The following UXS1 variants were observed in gnomAD, a reference collection of about 807,000 sequenced individuals.
UXS1 encodes the protein UDP-glucuronate decarboxylase 1.
A neutral mutation model predicts 62.6 loss-of-function variants in UXS1; 33 were observed. The ratio of observed to expected loss-of-function variants is 0.53; its 90% CI spans 0.40 to 0.70. The LOEUF (loss-of-function observed/expected upper bound fraction) is 0.70, where lower values mean the gene tolerates loss of function less well. Among genes scored for constraint, UXS1 ranks in the 30% least tolerant of loss-of-function variants. The pLI is 0.00. For missense variants in UXS1, 434 were observed against 556.3 expected, an observed-to-expected ratio of 0.78 and a Z score of 2.21; for synonymous variants, 213 against 206.8, an observed-to-expected ratio of 1.03 and a Z score of -0.26.
intron 5 of UXS1, among the ~76,000 whole-genome samples, chr2:106,157,784 G>T (rs1682555587): frequency 6.6e-6 from 1 of 152,150 alleles, no homozygotes; most frequent in Non-Finnish European, 1.5e-5. Context: ...GTTCAAAAAA[G>T]GCAGATTCAT....
chr2:106,098,800 A>G (rs761893334), intron 12 of UXS1, 27 bp from the exon 13 acceptor site: 1 of 1,602,854 alleles, frequency 6.2e-7, no homozygotes, highest in Non-Finnish European at 8.5e-7. Flanking sequence ...TTCCAGTTAT[A>G]AGCGTCATGA....
At chr2:106,187,333 C>T (rs1274576142) in intron 1 of UXS1, among the ~76,000 whole-genome samples, 1 of 152,116 alleles carries the variant, frequency 6.6e-6, no homozygotes, top group Non-Finnish European at 1.5e-5. Flanking sequence ...GGAATGCCAC[C>T]GGTACTAGGT....
Position 106,101,124 on chromosome 2 carries a change from A to C in UXS1, c.924-6T>G. 6.2e-7 allele frequency: 1 copy of C among 1,613,878 alleles called. No homozygotes were observed. The highest frequency in any genetic ancestry group is 8.5e-7 in the Non-Finnish European group (1 of 1,179,850). On this transcript the variant is annotated splice_region_variant and splice_polypyrimidine_tract_variant and intron_variant, in intron 11 of 14. Coordinates refer to ENST00000283148, the MANE Select transcript of UXS1 (RefSeq NM_001253875.2). ...CGAGGCCATTCACTAGATCGCTGGA[A>C]AAAAAGGGGAGGCAGGTGAGGCTCT...
At chr2:106,149,009 T>A (rs1681807703) in intron 5 of UXS1, among the ~76,000 whole-genome samples, 1 of 152,244 alleles carries the variant, frequency 6.6e-6, no homozygotes, top group Non-Finnish European at 1.5e-5. Flanking sequence ...AAACTCATGA[T>A]GCTTAGCAAA....
chr2:106,172,865 C>G (rs939876644), intron 1 of UXS1, among the ~76,000 whole-genome samples: 1 of 152,206 alleles, frequency 6.6e-6, no homozygotes, highest in South Asian at 2.1e-4. Context: ...ACTTGCCACA[C>G]CTGCCTGCCT....
intron 5 of UXS1, among the ~76,000 whole-genome samples, chr2:106,150,905 C>T (rs1681959080): frequency 6.6e-6 from 1 of 152,190 alleles, no homozygotes; most frequent in Non-Finnish European, 1.5e-5. Flanking sequence ...AACCCCCACC[C>T]CAGCGTACCC....
intron 5 of UXS1, among the ~76,000 whole-genome samples, chr2:106,154,686 C>T (rs2105028407): frequency 6.6e-6 from 1 of 152,298 alleles, no homozygotes; most frequent in African/African-American, 2.4e-5. Flanking sequence ...TTGTTTTAAA[C>T]CACTCAGATG....
At position 106,112,763 on chromosome 2, in the gene UXS1, T is replaced by G. The variant is rs201795624; in HGVS notation, c.762A>C (p.Glu254Asp). 597 of 1,613,340 alleles carry G rather than the reference T, an allele frequency of 3.7e-4. No individual in the cohort carries two copies. Among genetic ancestry groups the G allele is most frequent in the Non-Finnish European group, 4.8e-4 (571 of 1,179,738 alleles). The change falls in exon 10 of 15, where the codon GAA (glutamate) becomes GAC (aspartate). Residue 254 changes from glutamate (E) to aspartate (D), a missense_variant and splice_region_variant. By Grantham distance (45) the Glu-to-Asp change is conservative. This residue lies in a region of UXS1 where 209 missense variants were observed against 233.3 expected (regional missense o/e 0.90). Coordinates refer to ENST00000283148, the MANE Select transcript of UXS1 (RefSeq NM_001253875.2). The stretch of plus-strand genomic sequence containing the variant: ...TTCTGGCCACTCGCACTTCCACGCC[T>G]TCCTGGAACAGAGAGAAGAGGAGGT... The part of the protein sequence containing the change: ...ETMCYAYMKQ[E>D]GVEVRVARIF...
chr2:106,154,638 A>G (rs1240501953), intron 5 of UXS1, among the ~76,000 whole-genome samples: 1 of 152,180 alleles, frequency 6.6e-6, no homozygotes, highest in Non-Finnish European at 1.5e-5. Context: ...TTGATTTCAG[A>G]CTTCTAGCTT....
Position 106,156,221 on chromosome 2 carries a change from G to C in UXS1, c.291+1837C>G, listed in dbSNP as rs72836613. On this transcript the variant is annotated intron_variant, in intron 5 of 14. Coordinates refer to ENST00000283148, the MANE Select transcript of UXS1 (RefSeq NM_001253875.2). The stretch of plus-strand genomic sequence containing the variant: ...AGAAAAATAACCCAATTAAAGAATA[G>C]GATAATATCTAATAGAAATTTCTCC... Among the ~76,000 whole-genome samples, 620 of 152,112 alleles carry C rather than the reference G, an allele frequency of 4.1e-3. 5 individuals carry two copies. Among genetic ancestry groups the C allele is most frequent in the Admixed American group, 9.9e-3 (151 of 15,272 alleles).
chr2:106,115,043 T>C lies in UXS1; in HGVS notation c.760-2278A>G, dbSNP rs576079007. Among the ~76,000 whole-genome samples, 49 of 152,290 alleles carry C rather than the reference T, an allele frequency of 3.2e-4. No individual in the cohort carries two copies. The South Asian group carries it at 0.01, about 32-fold the overall frequency. On this transcript the variant is annotated intron_variant, in intron 9 of 14. Coordinates refer to ENST00000283148, the MANE Select transcript of UXS1 (RefSeq NM_001253875.2). ...CCCCAGTCAATATGTATAGTCCACT[T>C]GCTGCTGAATCCTCATTCTCACTGG...
chr2:106,181,870 A>C (rs1431072148), intron 1 of UXS1, among the ~76,000 whole-genome samples: 1 of 152,204 alleles, frequency 6.6e-6, no homozygotes, highest in Non-Finnish European at 1.5e-5. Context: ...AAGCTCTATT[A>C]TTTCTTTCTG....
At chr2:106,100,661 A>T (rs917296031) in intron 12 of UXS1, 8 of 178,574 alleles carry the variant, frequency 4.5e-5, no homozygotes, top group Middle Eastern at 2.6e-3. Flanking sequence ...TAAATGACAG[A>T]CATCATCAGC....
chr2:106,122,454 T>C (rs1679600009), intron 9 of UXS1, among the ~76,000 whole-genome samples: 2 of 152,214 alleles, frequency 1.3e-5, no homozygotes, highest in African/African-American at 4.8e-5. Context: ...CTCGGCCTCT[T>C]GGTCTGTGAG....
chr2:106,140,289 G>C (rs1165661583), intron 6 of UXS1, among the ~76,000 whole-genome samples: 5 of 152,150 alleles, frequency 3.3e-5, no homozygotes, highest in Non-Finnish European at 7.3e-5. Flanking sequence ...AGTGTCCTAG[G>C]CTGCTCCATA....
intron 5 of UXS1, among the ~76,000 whole-genome samples, chr2:106,147,901 C>T (rs559982889): frequency 2.6e-5 from 4 of 152,284 alleles, no homozygotes; most frequent in South Asian, 2.1e-4. Context: ...ATCCCTTAAC[C>T]ACCACATAGA....
At chr2:106,150,432 C>T (rs770633426) in intron 5 of UXS1, among the ~76,000 whole-genome samples, 2 of 152,214 alleles carry the variant, frequency 1.3e-5, no homozygotes, top group Admixed American at 6.5e-5. Context: ...TTGAGGCCAA[C>T]GTTTCCAGAG....
At chr2:106,112,426 C>T (rs1678694192) in intron 10 of UXS1, among the ~76,000 whole-genome samples, 1 of 152,210 alleles carries the variant, frequency 6.6e-6, no homozygotes. Context: ...GGGCAGGGAC[C>T]CCAGTGGCCA....
At chr2:106,178,338 T>C (rs951155083) in intron 1 of UXS1, among the ~76,000 whole-genome samples, 2 of 152,232 alleles carry the variant, frequency 1.3e-5, no homozygotes, top group African/African-American at 4.8e-5. Flanking sequence ...CTTCCAATTA[T>C]CAGTGTTGAG....
Sources: allele counts gnomAD v4.1 joint callset (sites outside exome capture counted in the v4.1 genomes callset), GRCh38; gene constraint gnomAD v4.1.1; regional missense constraint gnomAD v4.1.1; transcripts MANE v1.5; gene names NCBI Gene and HGNC (gene_info 2026-07-23, HGNC 2026-07-21).